PRDM10: variants seen among roughly 807,000 people sequenced by gnomAD.
PRDM10 encodes the protein PR domain zinc finger protein 10.
PRDM10 carries 65 observed loss-of-function variants against 133.1 expected under a neutral mutation model. That is an observed-to-expected ratio of 0.49 (90% CI 0.40 to 0.60). The LOEUF (loss-of-function observed/expected upper bound fraction) is 0.60. Among genes scored for constraint, PRDM10 ranks in the 20% least tolerant of loss-of-function variants. PRDM10 has a pLI of 0.00. For missense variants in PRDM10, 1,137 were observed against 1,507.1 expected (o/e 0.75, Z 4.07); for synonymous variants, 582 against 580.4 (o/e 1.00, Z -0.04).
At chr11:129,953,826 C>CAAA (rs10542747) in intron 4 of PRDM10, among the ~76,000 whole-genome samples, 5 of 73,318 alleles carry the variant, frequency 6.8e-5, no homozygotes, top group South Asian at 4.0e-4. Context: ...TTTATAGTAG[C>CAAA]AAAAAAAAAA....
Position 129,923,543 on chromosome 11 carries a change from GA to G in PRDM10, c.1879-141del. 1 of 879,266 alleles carries G rather than the reference GA, an allele frequency of 1.1e-6. No homozygotes were observed. 54.5% of individuals were successfully genotyped at this position (879,266 alleles called of 1,614,324 possible). A position where few individuals can be genotyped will look rare whatever the true frequency, so the allele number is the denominator to read the frequency against. ...CCCGCCGAGGAATCCAATCAGATGT[GA>G]TAATTGGCCTCAATAACACATACTG... On this transcript the variant is annotated intron_variant, in intron 12 of 20. Coordinates refer to ENST00000360871, the MANE Select transcript of PRDM10 (RefSeq NM_199437.2). This position sits in a 1 kb window ranked among gnomAD's most constrained non-coding sequence, Gnocchi z 4.4.
intron 11 of PRDM10, among the ~76,000 whole-genome samples, chr11:129,930,745 C>A (rs1264165540): frequency 2.0e-5 from 3 of 152,162 alleles, no homozygotes; most frequent in Admixed American, 1.3e-4. Flanking sequence ...TTGAGGGATG[C>A]AGAGAGCTAG....
rs138457175 is a variant in PRDM10, at chr11:129,941,620, C to T, written c.966+806G>A. ...ATGACGATGGTGTGAGAGTGAGATG[C>T]GTTCAAGTAGAAATCGTCTGAGTGC... On this transcript the variant is annotated intron_variant, in intron 7 of 20. Transcript: ENST00000360871. 8.7e-4 allele frequency among the ~76,000 whole-genome samples: 133 copies of T among 152,292 alleles called. 1 individual carries two copies. In the East Asian group the frequency reaches 0.018, roughly 20 times the overall value.
rs1240683887 is a variant in PRDM10 at position 129,900,307 on chromosome 11, C to G, written c.*2006G>C. 1 of 151,896 alleles carries G rather than the reference C, an allele frequency of 6.6e-6. No individual in the cohort carries two copies. Among genetic ancestry groups the G allele is most frequent in the South Asian group, 2.1e-4 (1 of 4,836 alleles). 9.4% of individuals were successfully genotyped at this position (151,896 alleles called of 1,614,324 possible). The stretch of plus-strand genomic sequence containing the variant: ...ATCCGCATCTCTGGCTGATAATATA[C>G]AAATTAGTTTTAGAGTCTTTATTTC... On this transcript the variant is annotated 3_prime_UTR_variant, in exon 21 of 21. Transcript: ENST00000360871.
intron 1 of PRDM10, among the ~76,000 whole-genome samples, chr11:129,983,826 AC>A (rs1938254137): frequency 6.6e-6 from 1 of 152,300 alleles, no homozygotes; most frequent in African/African-American, 2.4e-5. Context: ...GAGGAAAGCA[AC>A]ATGAACATTG....
intron 4 of PRDM10, among the ~76,000 whole-genome samples, chr11:129,950,511 C>G (rs149561099): frequency 6.6e-6 from 1 of 152,292 alleles, no homozygotes; most frequent in East Asian, 1.9e-4. Context: ...ATAAAAACAG[C>G]ATAAAATGCC....
intron 1 of PRDM10, among the ~76,000 whole-genome samples, chr11:129,977,392 T>TC (rs1937833875): frequency 6.6e-6 from 1 of 151,986 alleles, no homozygotes; most frequent in Non-Finnish European, 1.5e-5. Flanking sequence ...CAAACGATTA[T>TC]CCTGCCTCAG....
At position 129,932,092 on chromosome 11, in the gene PRDM10, C is replaced by T. The variant is rs1044751657; in HGVS notation, c.1287+10G>A. The T allele has an allele frequency of 3.1e-6, 5 of 1,610,298 alleles. No individual in the cohort carries two copies. In the African/African-American group the frequency reaches 5.3e-5, roughly 17 times the overall value. On this transcript the variant is annotated intron_variant, in intron 10 of 20. Transcript: ENST00000360871. ...GCACCTAAGGAGGGCTCCTTCCCGT[C>T]CCCCCGTACCTGTGTCCCATCGTCA...
intron 13 of PRDM10, among the ~76,000 whole-genome samples, chr11:129,922,528 A>C (rs1022267100): frequency 1.3e-5 from 2 of 152,186 alleles, no homozygotes; most frequent in African/African-American, 4.8e-5. Flanking sequence ...TGTTACAAAT[A>C]TACCCTTAGT....
chr11:129,912,102 C>A lies in PRDM10; in HGVS notation c.2965G>T (p.Ala989Ser). 6.2e-7 allele frequency: 1 copy of A among 1,610,086 alleles called. No homozygotes were observed. Among genetic ancestry groups the A allele is most frequent in the Non-Finnish European group, 8.5e-7 (1 of 1,178,112 alleles). ...CAGGGTACCTGGGCGGAGGACGGGG[C>A]CGAGGCGGTAGGCTCGCTGACCTGG... ...HIQVSEPTAS[A>S]PSSAQVSGQP... is the part of the protein sequence containing the mutation. Residue 989 changes from alanine to serine, a missense_variant, in exon 18 of 21, where the codon GCC (alanine) becomes TCC (serine). By Grantham distance (99) the Ala-to-Ser change is moderately conservative (BLOSUM62 1). Transcript: ENST00000360871.
Position 129,901,424 on chromosome 11 carries a change from C to T in PRDM10, c.*889G>A, listed in dbSNP as rs1461544261. 1 of 152,444 alleles carries T rather than the reference C, an allele frequency of 6.6e-6. No homozygotes were observed. The highest frequency in any genetic ancestry group is 1.5e-5 in the Non-Finnish European group (1 of 68,032). 9.4% of individuals were successfully genotyped at this position (152,444 alleles called of 1,614,324 possible). ...CTTTACCAATGAATGATAAATGGAT[C>T]CTGCAAGGCAGAACAAAATTTCAAT... On this transcript the variant is annotated 3_prime_UTR_variant, in exon 21 of 21. Transcript: ENST00000360871.
chr11:129,929,046 C>T (rs1193390821), intron 11 of PRDM10, among the ~76,000 whole-genome samples: 2 of 152,220 alleles, frequency 1.3e-5, no homozygotes, highest in African/African-American at 4.8e-5. Context: ...AACTCCCCTA[C>T]ATTAGTATTG....
intron 17 of PRDM10, among the ~76,000 whole-genome samples, chr11:129,913,188 A>G (rs1327361145): frequency 6.8e-6 from 1 of 147,728 alleles, no homozygotes; most frequent in Non-Finnish European, 1.5e-5. Context: ...ACTGCACTCC[A>G]GCCTGGGTGA....
chr11:129,931,576 A>ATT lies in PRDM10; in HGVS notation c.1288-320_1288-319dup, dbSNP rs66505343. Among the ~76,000 whole-genome samples, 792 of 143,260 alleles carry ATT rather than the reference A, an allele frequency of 5.5e-3. 6 individuals are homozygous for ATT. The highest frequency in any genetic ancestry group is 0.012 in the East Asian group (58 of 4,908). 94.0% of individuals were successfully genotyped at this position (143,260 alleles called of 152,430 possible). A position where few individuals can be genotyped will look rare whatever the true frequency, so the allele number is the denominator to read the frequency against. On this transcript the variant is annotated intron_variant, in intron 10 of 20. Transcript: ENST00000360871. Reference sequence around the variant, plus strand: ...ATTTATTTTTATTTTATTTTATTTTATTTTTTTTTTGAGACGGAGTCTCGC... The same window carrying ATT: ...ATTTATTTTTATTTTATTTTATTTTATTTTTTTTTTTTGAGACGGAGTCTCGC...
intron 4 of PRDM10, among the ~76,000 whole-genome samples, chr11:129,951,983 A>T (rs1951593942): frequency 6.6e-6 from 1 of 152,160 alleles, no homozygotes; most frequent in South Asian, 2.1e-4. Flanking sequence ...CTAACTTTCT[A>T]TCCAGAATTT....
rs74698970 is a variant in PRDM10, at chr11:129,978,284, C to T, written c.-118-17202G>A. Among the ~76,000 whole-genome samples the T allele has an allele frequency of 9.5e-3, 1,451 of 152,246 alleles. 33 individuals carry two copies. Among genetic ancestry groups the T allele is most frequent in the African/African-American group, 0.033 (1,384 of 41,548 alleles). ...TCTGGAAGCTCCAAGGCACAGGACT[C>T]CTCCAGATGATGTGAGTTTATGCCA... On this transcript the variant is annotated intron_variant, in intron 1 of 20. Transcript: ENST00000360871.
intron 8 of PRDM10, among the ~76,000 whole-genome samples, chr11:129,936,844 CT>C (rs1453130989): frequency 1.2e-4 from 18 of 152,122 alleles, no homozygotes; most frequent in Non-Finnish European, 2.5e-4. Flanking sequence ...TGACCTAACT[CT>C]GGATAGTTAG....
chr11:129,943,323 G>A (rs1162581129), intron 6 of PRDM10, among the ~76,000 whole-genome samples: 4 of 152,084 alleles, frequency 2.6e-5, no homozygotes, highest in African/African-American at 9.7e-5. Flanking sequence ...AACATTACTG[G>A]CACACAGCAG....
chr11:129,998,451 A>G (rs1445285908), intron 1 of PRDM10, among the ~76,000 whole-genome samples: 1 of 152,228 alleles, frequency 6.6e-6, no homozygotes, highest in Non-Finnish European at 1.5e-5. Flanking sequence ...GAGTTTAACT[A>G]AAAAATGAAT....
Sources: allele counts gnomAD v4.1 joint callset (sites outside exome capture counted in the v4.1 genomes callset), GRCh38; gene constraint gnomAD v4.1.1; non-coding constraint Gnocchi (gnomAD v3.1); transcripts MANE v1.5; gene names NCBI Gene and HGNC (gene_info 2026-07-23, HGNC 2026-07-21).